RNF6: variants seen among roughly 807,000 people sequenced by gnomAD.
The protein encoded by RNF6 is ring finger protein 6, also known as E3 ubiquitin-protein ligase RNF6.
RNF6 carries 21 observed loss-of-function variants against 50.1 expected under a neutral mutation model. That is an observed-to-expected ratio of 0.42 (90% CI 0.30 to 0.60). The LOEUF is 0.60. Ranked by LOEUF, RNF6 falls within the 20% of genes least tolerant of loss-of-function variation. The probability of loss-of-function intolerance (pLI) is 0.20; values close to 1 mark genes in which losing one functional copy is unlikely to be tolerated. For synonymous variants in RNF6, 255 were observed against 291.8 expected, an observed-to-expected ratio of 0.87 and a Z score of 1.29; for missense variants, 698 against 838.2, an observed-to-expected ratio of 0.83 and a Z score of 2.07.
intron 5 of RNF6, among the ~76,000 whole-genome samples, chr13:26,151,800 G>A (rs1871616681): frequency 6.6e-6 from 1 of 152,006 alleles, no homozygotes; most frequent in African/African-American, 2.4e-5. Flanking sequence ...AAGAAAAAAG[G>A]GGGGAAATTT....
chr13:26,175,969 G>A (rs1317382518), intron 5 of RNF6, among the ~76,000 whole-genome samples: 2 of 152,086 alleles, frequency 1.3e-5, no homozygotes, highest in Admixed American at 6.6e-5. Context: ...CACATTCCAG[G>A]GAAAGCCAGG....
chr13:26,201,201 T>C (rs1163924193), intron 5 of RNF6, among the ~76,000 whole-genome samples: 2 of 152,216 alleles, frequency 1.3e-5, no homozygotes, highest in African/African-American at 4.8e-5. Context: ...TGTAGCCAAC[T>C]GTCTTATACA....
intron 5 of RNF6, among the ~76,000 whole-genome samples, chr13:26,164,190 G>C (rs550009218): frequency 7.8e-4 from 118 of 152,212 alleles, no homozygotes; most frequent in African/African-American, 2.7e-3. Context: ...ACTTATTACA[G>C]TCCCTGAATT....
At chr13:26,187,139 T>G (rs9581582) in intron 5 of RNF6, among the ~76,000 whole-genome samples, 35,475 of 73,502 alleles carry the variant, frequency 0.48, 6,187 homozygotes, top group African/African-American at 0.62. Flanking sequence ...CTGTCCCCGC[T>G]TCCTGTTTCT....
intron 5 of RNF6, among the ~76,000 whole-genome samples, chr13:26,174,503 A>AC (rs1046612019): frequency 4.6e-5 from 7 of 151,686 alleles, no homozygotes; most frequent in African/African-American, 1.7e-4. Context: ...ATACAAAAAA[A>AC]AAATTAGCTG....
At chr13:26,149,006 G>C (rs28684858) in intron 5 of RNF6, among the ~76,000 whole-genome samples, 1 of 151,804 alleles carries the variant, frequency 6.6e-6, no homozygotes, top group Non-Finnish European at 1.5e-5. Context: ...TAAAATCCAC[G>C]CACATTATGG....
At chr13:26,159,750 C>G (rs1209989198) in intron 5 of RNF6, among the ~76,000 whole-genome samples, 4 of 151,832 alleles carry the variant, frequency 2.6e-5, no homozygotes, top group Non-Finnish European at 5.9e-5. Flanking sequence ...AAATTAAAAA[C>G]AGAAATAACA....
At chr13:26,155,007 G>T (rs975671980) in intron 5 of RNF6, among the ~76,000 whole-genome samples, 4 of 151,404 alleles carry the variant, frequency 2.6e-5, no homozygotes, top group African/African-American at 9.7e-5. Context: ...TCCAGCCTGG[G>T]CAAAAGAGCC....
At chr13:26,209,061 A>G (rs571721572), downstream of RNF6, among the ~76,000 whole-genome samples, 1 of 152,338 alleles carries the variant, frequency 6.6e-6, no homozygotes, top group African/African-American at 2.4e-5. Flanking sequence ...ACAAGATCCT[A>G]AATACAATTG....
At chr13:26,211,202 T>C (rs1869307680), downstream of RNF6, among the ~76,000 whole-genome samples, 1 of 152,218 alleles carries the variant, frequency 6.6e-6, no homozygotes, top group Non-Finnish European at 1.5e-5. Flanking sequence ...GGGTTATCAA[T>C]TTATGAAATT....
intron 5 of RNF6, among the ~76,000 whole-genome samples, chr13:26,167,932 A>G (rs1163661430): frequency 6.6e-6 from 1 of 152,232 alleles, no homozygotes; most frequent in Non-Finnish European, 1.5e-5. Flanking sequence ...ATCCTTAGCA[A>G]ACTAACACAG....
At chr13:26,200,799 A>G (rs1426248377) in intron 5 of RNF6, among the ~76,000 whole-genome samples, 2 of 152,178 alleles carry the variant, frequency 1.3e-5, no homozygotes, top group African/African-American at 4.8e-5. Context: ...GATACTCACA[A>G]TATGTGTGCT....
At chr13:26,141,396 C>G (rs1870940699) in intron 5 of RNF6, among the ~76,000 whole-genome samples, 1 of 148,548 alleles carries the variant, frequency 6.7e-6, no homozygotes, top group Admixed American at 6.8e-5. Flanking sequence ...CCACTGCACT[C>G]CAGCCTGGGC....
At chr13:26,185,097 A>G (rs1873454333) in intron 5 of RNF6, among the ~76,000 whole-genome samples, 1 of 152,128 alleles carries the variant, frequency 6.6e-6, no homozygotes, top group Admixed American at 6.6e-5. Context: ...CCCAGGATCA[A>G]GCCATTCTCC....
At position 26,202,759 on chromosome 13, in the gene RNF6, AAAAC is replaced by A. The variant is rs1593184379; in HGVS notation, n.768+12711_768+12714del. On this transcript the variant is annotated intron_variant and non_coding_transcript_variant, in intron 5 of 5. Transcript: ENST00000468480. ...AATAGTATGGTACATTTAGAAAGGA[AAAAC>A]AAACACCCATATCACATGGGCAGCT... is the stretch of plus-strand genomic sequence containing the variant. 2.6e-5 allele frequency among the ~76,000 whole-genome samples: 4 copies of A among 152,372 alleles called. No individual in the cohort carries two copies. In the East Asian group the frequency reaches 7.7e-4, roughly 29 times the overall value.
chr13:26,212,188 T>C (rs141355407), downstream of RNF6, among the ~76,000 whole-genome samples: 618 of 152,302 alleles, frequency 4.1e-3, 3 homozygotes, highest in African/African-American at 0.014. Context: ...TGAAAAATGA[T>C]CCTACCCTAT....
intron 5 of RNF6, among the ~76,000 whole-genome samples, chr13:26,191,081 A>G (rs922249363): frequency 1.3e-5 from 2 of 152,178 alleles, no homozygotes; most frequent in African/African-American, 4.8e-5. Context: ...ACACTAATAA[A>G]TAGGTGATAT....
intron 5 of RNF6, among the ~76,000 whole-genome samples, chr13:26,174,072 A>G (rs1192221189): frequency 1.3e-5 from 2 of 152,228 alleles, no homozygotes; most frequent in Non-Finnish European, 2.9e-5. Flanking sequence ...ACTTACACAC[A>G]TCACATAGGC....
chr13:26,169,917 AG>A (rs1309653052), intron 5 of RNF6, among the ~76,000 whole-genome samples: 2 of 152,330 alleles, frequency 1.3e-5, no homozygotes, highest in African/African-American at 4.8e-5. Flanking sequence ...CTATTATAAT[AG>A]TTTTGTTTAA....
Sources: allele counts gnomAD v4.1 joint callset (sites outside exome capture counted in the v4.1 genomes callset), GRCh38; gene constraint gnomAD v4.1.1; transcripts MANE v1.5; gene names NCBI Gene and HGNC (gene_info 2026-07-23, HGNC 2026-07-21).